Variants in MAST2 observed in about 807,000 individuals in gnomAD.
MAST2 encodes the protein microtubule associated serine/threonine kinase 2, also known as microtubule-associated serine/threonine-protein kinase 2.
A neutral mutation model predicts 147.4 loss-of-function variants in MAST2; 70 were observed. That is an observed-to-expected ratio of 0.47 (90% CI 0.39 to 0.58). The LOEUF (loss-of-function observed/expected upper bound fraction) is 0.58. Ranked by LOEUF, MAST2 falls within the 20% of genes least tolerant of loss-of-function variation. The probability of loss-of-function intolerance (pLI) is 0.00; values close to 1 mark genes in which losing one functional copy is unlikely to be tolerated. For missense variants in MAST2, 2,080 were observed against 2,302.3 expected (o/e 0.90, Z 1.98); for synonymous variants, 869 against 896.8 (o/e 0.97, Z 0.55).
At chr1:46,033,616 G>C (rs1195712223) in intron 26 of MAST2, among the ~76,000 whole-genome samples, 186 bp from the exon 27 acceptor site, 1 of 152,116 alleles carries the variant, frequency 6.6e-6, no homozygotes, top group Non-Finnish European at 1.5e-5. Context: ...AAACCACTCT[G>C]GGGCTCCAAT....
At chr1:45,980,349 C>G (rs187330865) in intron 5 of MAST2, among the ~76,000 whole-genome samples, 1 of 150,274 alleles carries the variant, frequency 6.7e-6, no homozygotes, top group East Asian at 2.0e-4. Context: ...GAAAAAGTAG[C>G]TATTGCGTTC....
At chr1:45,900,148 C>A (rs574441885) in intron 4 of MAST2, among the ~76,000 whole-genome samples, 3 of 120,044 alleles carry the variant, frequency 2.5e-5, no homozygotes, top group African/African-American at 1.0e-4. Flanking sequence ...CCAGCCTGGG[C>A]GACAGAGCGA....
rs766836639 is a variant in MAST2 at position 46,034,596 on chromosome 1, C to T, written c.3927C>T (p.Ala1309=). The change falls in exon 29 of 29, where the codon GCC becomes GCT. Residue 1309 remains alanine (A), a synonymous_variant. Transcript: ENST00000361297. Reference sequence around the variant, plus strand: ...GCTCCAGCGTGCCCAGTTCCCCAGCCGGCTCTGGGCACACACGGCCCAGCT... The same window carrying T: ...GCTCCAGCGTGCCCAGTTCCCCAGCTGGCTCTGGGCACACACGGCCCAGCT... ...SPSSSVPSSP[A]GSGHTRPSSL... 1.2e-5 allele frequency: 20 copies of T among 1,613,942 alleles called. No homozygotes were observed. Among genetic ancestry groups the T allele is most frequent in the East Asian group, 8.9e-5 (4 of 44,886 alleles).
chr1:45,880,366 A>G (rs1646790155), intron 3 of MAST2, among the ~76,000 whole-genome samples: 1 of 152,200 alleles, frequency 6.6e-6, no homozygotes, highest in Non-Finnish European at 1.5e-5. Flanking sequence ...CTGTGGTGAC[A>G]TAATGAGAAT....
At chr1:45,951,187 C>T (rs1324514418) in intron 4 of MAST2, among the ~76,000 whole-genome samples, 3 of 151,890 alleles carry the variant, frequency 2.0e-5, no homozygotes, top group Admixed American at 1.3e-4. Context: ...TGCCATTGCA[C>T]CCTAGCCTGG....
Position 46,023,178 on chromosome 1 carries a change from A to G in MAST2, c.1486-55A>G. The G allele has an allele frequency of 6.7e-7, 1 of 1,497,742 alleles. No individual in the cohort carries two copies. Among genetic ancestry groups the G allele is most frequent in the East Asian group, 2.3e-5 (1 of 44,290 alleles). 92.8% of individuals were successfully genotyped at this position (1,497,742 alleles called of 1,614,324 possible). On this transcript the variant is annotated intron_variant, in intron 13 of 28. Transcript: ENST00000361297. This position sits in a 1 kb window ranked among gnomAD's most constrained non-coding sequence, Gnocchi z 4.9. ...AGATGCTAGAGCCACAGCTTCTGCA[A>G]GGATATGGGCTCTGAGAAGCATGCC...
intron 6 of MAST2, among the ~76,000 whole-genome samples, chr1:45,999,791 C>A (rs1230628558): frequency 6.6e-6 from 1 of 152,142 alleles, no homozygotes; most frequent in Admixed American, 6.5e-5. Flanking sequence ...TCAAATCATC[C>A]AATTTTATTT....
At position 46,030,764 on chromosome 1, in the gene MAST2, G is replaced by A; in HGVS notation, c.2708+3G>A. The A allele has an allele frequency of 1.3e-6, 2 of 1,570,770 alleles. No homozygotes were observed. Among genetic ancestry groups the A allele is most frequent in the African/African-American group, 1.4e-5 (1 of 73,262 alleles). The stretch of plus-strand genomic sequence containing the variant: ...TGGGTGATTGGCTCCCCTGAGATGT[G>A]AGCACCCAGAGTTCACCCAGGGTGG... On this transcript the variant is annotated splice_donor_region_variant and intron_variant, in intron 22 of 28. Transcript: ENST00000361297.
At chr1:45,887,830 T>C (rs1647162689) in intron 4 of MAST2, among the ~76,000 whole-genome samples, 1 of 152,222 alleles carries the variant, frequency 6.6e-6, no homozygotes, top group African/African-American at 2.4e-5. Context: ...GTGATAGCTT[T>C]GTGTTACATT....
intron 8 of MAST2, among the ~76,000 whole-genome samples, chr1:46,007,992 C>T (rs1294913231): frequency 6.6e-6 from 1 of 152,136 alleles, no homozygotes; most frequent in Non-Finnish European, 1.5e-5. Context: ...GAGAATCCTA[C>T]TCCAGGGGAG....
At chr1:46,029,682 C>T (rs1224563676) in intron 19 of MAST2, 115 bp downstream of exon 19, 1 of 1,342,536 alleles carries the variant, frequency 7.4e-7, no homozygotes, top group Non-Finnish European at 1.0e-6. Context: ...GATCCTGAAA[C>T]TCTGCCCTGC....
intron 5 of MAST2, among the ~76,000 whole-genome samples, chr1:45,965,410 G>C (rs1661040203): frequency 6.6e-6 from 1 of 152,172 alleles, no homozygotes; most frequent in African/African-American, 2.4e-5. Context: ...GGGTGCTCCT[G>C]TATTGGGTGC....
chr1:45,922,589 T>TGGAGTAGGCACTGACAGAGG (rs957640812), intron 4 of MAST2, among the ~76,000 whole-genome samples: 2 of 152,148 alleles, frequency 1.3e-5, no homozygotes, highest in Non-Finnish European at 2.9e-5. Context: ...GCTCCGAGGT[T>TGGAGTAGGCACTGACAGAGG]GGAGTAGGCA....
At chr1:45,846,218 TA>T (rs769979054) in intron 3 of MAST2, among the ~76,000 whole-genome samples, 14 of 150,588 alleles carry the variant, frequency 9.3e-5, no homozygotes, top group African/African-American at 2.2e-4. Context: ...CCTTATGTTG[TA>T]AAAAAAAAGA....
intron 10 of MAST2, among the ~76,000 whole-genome samples, chr1:46,016,673 G>C (rs1157470970): frequency 2.0e-5 from 3 of 149,814 alleles, no homozygotes; most frequent in Non-Finnish European, 4.5e-5. Context: ...CAGTGAAATA[G>C]GATACAAACA....
intron 3 of MAST2, among the ~76,000 whole-genome samples, chr1:45,872,411 T>C (rs1385848630): frequency 6.6e-6 from 1 of 152,162 alleles, no homozygotes; most frequent in Non-Finnish European, 1.5e-5. Context: ...TTTATGGCTT[T>C]AGTCATTGTG....
At chr1:45,862,517 G>A (rs1646015985) in intron 3 of MAST2, among the ~76,000 whole-genome samples, 1 of 145,560 alleles carries the variant, frequency 6.9e-6, no homozygotes, top group Non-Finnish European at 1.5e-5. Flanking sequence ...ACCTTGAGTG[G>A]CTGGAGTGCA....
At chr1:46,024,400 C>G (rs891435200) in intron 15 of MAST2, 3 of 228,306 alleles carry the variant, frequency 1.3e-5, no homozygotes, top group African/African-American at 6.7e-5. Context: ...TAAAACCAAG[C>G]AAAATGCTCT....
chr1:45,960,395 G>A (rs777573477), intron 5 of MAST2, among the ~76,000 whole-genome samples: 2 of 152,134 alleles, frequency 1.3e-5, no homozygotes, highest in Non-Finnish European at 2.9e-5. Flanking sequence ...TGTAGTTCCA[G>A]CTACTTGGGA....
Sources: gnomAD v4.1 joint callset for allele counts (sites outside exome capture counted in the v4.1 genomes callset) on GRCh38, gnomAD v4.1.1 for gene constraint, Gnocchi (gnomAD v3.1) non-coding constraint, MANE v1.5 for transcripts, NCBI Gene and HGNC (gene_info 2026-07-23, HGNC 2026-07-21) for gene names.